The following ACOXL variants were observed in gnomAD, a reference collection of about 807,000 sequenced individuals.
The protein encoded by ACOXL is acyl-coenzyme A oxidase-like protein.
ACOXL carries 70 observed loss-of-function variants against 71.9 expected under a neutral mutation model. The ratio of observed to expected loss-of-function variants is 0.97; its 90% CI spans 0.80 to 1.19. ACOXL has a LOEUF of 1.19. Ranked by LOEUF, ACOXL falls within the 50% of genes most tolerant of loss-of-function variation. The pLI, the probability that ACOXL is intolerant of heterozygous loss-of-function variation, is 0.00. For missense variants in ACOXL, 703 were observed against 736.3 expected, an observed-to-expected ratio of 0.95 and a Z score of 0.52; for synonymous variants, 253 against 281.6, an observed-to-expected ratio of 0.90 and a Z score of 1.02.
intron 17 of ACOXL, among the ~76,000 whole-genome samples, chr2:111,094,692 CAT>C (rs1440128524): frequency 1.3e-5 from 2 of 152,288 alleles, no homozygotes; most frequent in East Asian, 3.9e-4. Context: ...GTTTTCAACA[CAT>C]AAACTTTGGG....
intron 11 of ACOXL, among the ~76,000 whole-genome samples, chr2:110,913,430 G>T (rs1254545546): frequency 2.0e-5 from 3 of 152,142 alleles, no homozygotes; most frequent in African/African-American, 4.8e-5. Context: ...CAATGAAAAA[G>T]AATGAAGTAC....
intron 12 of ACOXL, among the ~76,000 whole-genome samples, chr2:110,947,499 C>T (rs1449371992): frequency 6.6e-6 from 1 of 152,174 alleles, no homozygotes; most frequent in Non-Finnish European, 1.5e-5. Context: ...CAGTTTCCTT[C>T]TCTCTTAAGG....
chr2:110,913,783 A>AGG (rs1474586766), intron 11 of ACOXL, among the ~76,000 whole-genome samples: 4 of 152,170 alleles, frequency 2.6e-5, no homozygotes, highest in Admixed American at 6.6e-5. Flanking sequence ...AAGGTGAAGT[A>AGG]GGAGGAGGCA....
chr2:111,079,028 C>G (rs571574286), intron 16 of ACOXL, among the ~76,000 whole-genome samples: 1 of 152,256 alleles, frequency 6.6e-6, no homozygotes, highest in East Asian at 1.9e-4. Flanking sequence ...CATCTGTTTA[C>G]TAGTTCAGTT....
intron 15 of ACOXL, among the ~76,000 whole-genome samples, chr2:111,042,651 T>A (rs1025828424): frequency 6.6e-6 from 1 of 152,098 alleles, no homozygotes; most frequent in African/African-American, 2.4e-5. Flanking sequence ...CCTGGAAAAG[T>A]GGGCCAGGGT....
intron 10 of ACOXL, among the ~76,000 whole-genome samples, chr2:110,900,946 T>C (rs1328612680): frequency 1.3e-5 from 2 of 152,202 alleles, no homozygotes; most frequent in Non-Finnish European, 2.9e-5. Context: ...TGGTGTTGTC[T>C]CCTATCTGAG....
chr2:111,090,740 G>T (rs948952565), intron 16 of ACOXL, among the ~76,000 whole-genome samples: 1 of 152,186 alleles, frequency 6.6e-6, no homozygotes, highest in African/African-American at 2.4e-5. Flanking sequence ...GCAGGCTTTG[G>T]CTTGGATCAG....
chr2:110,999,179 T>A (rs1023460564), intron 14 of ACOXL, among the ~76,000 whole-genome samples: 1 of 152,158 alleles, frequency 6.6e-6, no homozygotes, highest in Non-Finnish European at 1.5e-5. Flanking sequence ...GCTTCTCTCC[T>A]TGGTTTGTAA....
At chr2:110,964,816 G>C (rs2061856432) in intron 12 of ACOXL, among the ~76,000 whole-genome samples, 2 of 152,146 alleles carry the variant, frequency 1.3e-5, no homozygotes, top group Admixed American at 6.5e-5. Flanking sequence ...ATTTCTATGT[G>C]TTGGGAACAT....
At chr2:110,988,913 T>A (rs2149560133) in intron 13 of ACOXL, among the ~76,000 whole-genome samples, 1 of 151,718 alleles carries the variant, frequency 6.6e-6, no homozygotes, top group South Asian at 2.1e-4. Context: ...TATTGATTTT[T>A]AAGGGCTCTT....
intron 9 of ACOXL, among the ~76,000 whole-genome samples, chr2:110,832,544 CA>C (rs769471148): frequency 0.023 from 1,002 of 44,320 alleles, 3 homozygotes; most frequent in Middle Eastern, 0.032. Flanking sequence ...GACTCCATCT[CA>C]AAAAAAAAAA....
chr2:110,760,520 A>G (rs1680261587), intron 1 of ACOXL, among the ~76,000 whole-genome samples: 1 of 152,228 alleles, frequency 6.6e-6, no homozygotes, highest in Non-Finnish European at 1.5e-5. Flanking sequence ...GCATCTGTGC[A>G]TGACTGGGAG....
intron 10 of ACOXL, among the ~76,000 whole-genome samples, chr2:110,869,708 G>A (rs1234191362): frequency 6.6e-6 from 1 of 152,202 alleles, no homozygotes; most frequent in Non-Finnish European, 1.5e-5. Flanking sequence ...CGAGCCCATA[G>A]CATCTGTCTC....
At chr2:110,984,727 G>T (rs924843787) in intron 12 of ACOXL, among the ~76,000 whole-genome samples, 29 of 152,208 alleles carry the variant, frequency 1.9e-4, no homozygotes, top group Non-Finnish European at 2.2e-4. Context: ...GGAAAAAGTG[G>T]AAATAGCGGC....
intron 16 of ACOXL, among the ~76,000 whole-genome samples, chr2:111,081,510 C>T (rs551479446): frequency 9.2e-5 from 14 of 152,050 alleles, no homozygotes; most frequent in South Asian, 4.2e-4. Context: ...TGCTGCTCAA[C>T]GAAATAAGAG....
chr2:110,968,115 T>C, intron 12 of ACOXL: 2 of 1,336,494 alleles, frequency 1.5e-6, no homozygotes, highest in Non-Finnish European at 2.1e-6. Context: ...GCCTGACAAA[T>C]TATGCTGCAG....
chr2:110,922,835 C>T (rs1470561760), intron 11 of ACOXL, among the ~76,000 whole-genome samples: 3 of 152,150 alleles, frequency 2.0e-5, no homozygotes, highest in Non-Finnish European at 2.9e-5. Flanking sequence ...GAGCCCTTAC[C>T]ATGTGCCATT....
intron 5 of ACOXL, among the ~76,000 whole-genome samples, chr2:110,794,949 C>T (rs868791493): frequency 7.9e-5 from 12 of 151,896 alleles, no homozygotes; most frequent in African/African-American, 2.7e-4. Context: ...ACCCCGCCCC[C>T]GCCCCTCACC....
chr2:110,810,708 A>G (rs1212121881), intron 9 of ACOXL, among the ~76,000 whole-genome samples: 1 of 152,214 alleles, frequency 6.6e-6, no homozygotes, highest in Non-Finnish European at 1.5e-5. Flanking sequence ...CCCACTACAA[A>G]GACTCTGAAC....
Sources: gnomAD v4.1 joint callset for allele counts (sites outside exome capture counted in the v4.1 genomes callset) on GRCh38, gnomAD v4.1.1 for gene constraint, MANE v1.5 for transcripts, NCBI Gene and HGNC (gene_info 2026-07-23, HGNC 2026-07-21) for gene names.